LAMP1: variants seen among roughly 807,000 people sequenced by gnomAD.
LAMP1 encodes the protein lysosome associated membrane protein 1.
LAMP1 carries 7 observed loss-of-function variants against 37.5 expected under a neutral mutation model. That is an observed-to-expected ratio of 0.19 (90% CI 0.11 to 0.35). LAMP1 has a LOEUF of 0.35. Ranked by LOEUF, LAMP1 falls within the 10% of genes least tolerant of loss-of-function variation. The pLI is 1.00. For synonymous variants in LAMP1, 236 were observed against 229.1 expected, an observed-to-expected ratio of 1.03 and a Z score of -0.27; for missense variants, 537 against 552.8, an observed-to-expected ratio of 0.97 and a Z score of 0.29.
In LAMP1 at chr13:113,297,602, GC is replaced by G; in HGVS notation, c.61+108del. 9.7e-7 allele frequency: 1 copy of G among 1,030,786 alleles called. No homozygotes were observed. The highest frequency in any genetic ancestry group is 1.2e-6 in the Non-Finnish European group (1 of 821,402). 63.9% of individuals were successfully genotyped at this position (1,030,786 alleles called of 1,614,324 possible). ...GGGTCGTTGTCCCGCGGGTCGCCCC[GC>G]ACCCACTGCTCCTGGTCCCGGCCGG... On this transcript the variant is annotated intron_variant, in intron 1 of 8. Coordinates refer to ENST00000332556, the MANE Select transcript of LAMP1 (RefSeq NM_005561.4). The surrounding 1 kb of genome is among the most constrained non-coding windows in gnomAD (Gnocchi z 4.4).
At chr13:113,309,389 C>T (rs1049944828) in intron 2 of LAMP1, among the ~76,000 whole-genome samples, 16 of 152,182 alleles carry the variant, frequency 1.1e-4, no homozygotes, top group Non-Finnish European at 4.4e-5. Context: ...GTGTGAGCCA[C>T]CATGCCCAGC....
chr13:113,307,691 G>T lies in LAMP1; in HGVS notation c.183+1085G>T, dbSNP rs899649404. On this transcript the variant is annotated intron_variant, in intron 2 of 8. Transcript: ENST00000332556. ...ACTAGTTTGATTAAAATGTTCCTTA[G>T]TGGTTTTGTTGAAATGGCTTTGTGT... Among the ~76,000 whole-genome samples the T allele has an allele frequency of 4.6e-5, 7 of 151,448 alleles. 1 individual carries two copies. The highest frequency in any genetic ancestry group is 7.4e-5 in the Non-Finnish European group (5 of 67,962).
In LAMP1 at chr13:113,321,821, G is replaced by A. The variant is rs1262719990; in HGVS notation, c.1114+94G>A. ...TAGTCGCTTCCGTGTGGGCTGGGGC[G>A]ACGCCCCTGTTCCTCTGCAAGGAGC... On this transcript the variant is annotated intron_variant, in intron 8 of 8. Coordinates refer to ENST00000332556, the MANE Select transcript of LAMP1 (RefSeq NM_005561.4). The surrounding 1 kb of genome is among the most constrained non-coding windows in gnomAD (Gnocchi z 5.6). 1.0e-5 allele frequency: 13 copies of A among 1,264,210 alleles called. No homozygotes were observed. Among genetic ancestry groups the A allele is most frequent in the East Asian group, 7.0e-5 (3 of 42,956 alleles). The allele number at this position is 1,264,210 out of a possible 1,614,324, so 78.3% of individuals were successfully genotyped here. A position where few individuals can be genotyped will look rare whatever the true frequency, so the allele number is the denominator to read the frequency against.
intron 1 of LAMP1, among the ~76,000 whole-genome samples, chr13:113,300,882 A>C (rs2042567391): frequency 6.6e-6 from 1 of 152,200 alleles, no homozygotes; most frequent in Non-Finnish European, 1.5e-5. Context: ...ATTGTCAGTT[A>C]TGCGGTGGAA....
At chr13:113,304,554 A>C (rs1407806261) in intron 1 of LAMP1, among the ~76,000 whole-genome samples, 1 of 152,188 alleles carries the variant, frequency 6.6e-6, no homozygotes, top group African/African-American at 2.4e-5. Context: ...ATCCTGCCTC[A>C]GTGTTGCAGA....
intron 4 of LAMP1, among the ~76,000 whole-genome samples, chr13:113,312,472 C>T (rs933853481): frequency 8.5e-5 from 13 of 152,194 alleles, no homozygotes; most frequent in African/African-American, 2.7e-4. Context: ...CTGTCTGTAG[C>T]TTTGCGGCAG....
At chr13:113,313,847 T>C (rs1456804844) in intron 4 of LAMP1, among the ~76,000 whole-genome samples, 11 of 76,182 alleles carry the variant, frequency 1.4e-4, no homozygotes, top group South Asian at 4.8e-4. Flanking sequence ...CTGGAGGGAG[T>C]CAGTGTGGAG....
intron 4 of LAMP1, among the ~76,000 whole-genome samples, chr13:113,315,007 A>G: frequency 1.0e-5 from 1 of 97,630 alleles, no homozygotes. Flanking sequence ...GTCAGTGTGG[A>G]GATGCCCGTG....
chr13:113,310,063 T>C (rs1362321736), intron 3 of LAMP1, among the ~76,000 whole-genome samples: 2 of 151,936 alleles, frequency 1.3e-5, no homozygotes, highest in African/African-American at 2.4e-5. Context: ...ACACTGTCTC[T>C]ACTAAAAATA....
At chr13:113,317,309 G>A (rs370385743) in intron 4 of LAMP1, among the ~76,000 whole-genome samples, 3 of 152,138 alleles carry the variant, frequency 2.0e-5, no homozygotes, top group Admixed American at 6.6e-5. Context: ...ACTGTCCTCC[G>A]CCCTCAGCAG....
At chr13:113,299,732 C>A (rs2042561026) in intron 1 of LAMP1, among the ~76,000 whole-genome samples, 1 of 151,748 alleles carries the variant, frequency 6.6e-6, no homozygotes, top group African/African-American at 2.4e-5. Context: ...CCATGCCTGG[C>A]TAATTTTTGT....
chr13:113,301,886 G>A (rs1427433932), intron 1 of LAMP1, among the ~76,000 whole-genome samples: 1 of 123,812 alleles, frequency 8.1e-6, no homozygotes, highest in African/African-American at 4.0e-5. Flanking sequence ...TTTTTGAGAC[G>A]GAGTCTCGCT....
In LAMP1 at chr13:113,316,670, C is replaced by T. The variant is rs184120247; in HGVS notation, c.563-2799C>T. Among the ~76,000 whole-genome samples, 73 of 152,200 alleles carry T rather than the reference C, an allele frequency of 4.8e-4. No individual in the cohort carries two copies. In the East Asian group the frequency reaches 0.011, roughly 23 times the overall value. ...TCTCCTGACCTCGTGATCCGCCCGCCTCGGCCTCCCAAAGTGCTGGGATTA... is the reference window on the plus strand; with the variant it reads ...TCTCCTGACCTCGTGATCCGCCCGCTTCGGCCTCCCAAAGTGCTGGGATTA... On this transcript the variant is annotated intron_variant, in intron 4 of 8. Transcript: ENST00000332556.
intron 1 of LAMP1, among the ~76,000 whole-genome samples, chr13:113,301,187 G>A (rs964935532): frequency 6.6e-6 from 1 of 152,104 alleles, no homozygotes; most frequent in Non-Finnish European, 1.5e-5. Context: ...CACACGATCA[G>A]CTTTTTAGAA....
intron 1 of LAMP1, among the ~76,000 whole-genome samples, chr13:113,302,202 T>G (rs1016551867): frequency 1.3e-5 from 2 of 151,720 alleles, no homozygotes; most frequent in African/African-American, 4.8e-5. Flanking sequence ...TTCTTCTTTT[T>G]TTGAGACAGT....
chr13:113,304,366 G>T (rs1287117387), intron 1 of LAMP1, among the ~76,000 whole-genome samples: 1 of 152,216 alleles, frequency 6.6e-6, no homozygotes, highest in African/African-American at 2.4e-5. Context: ...GGCGTCTGCT[G>T]TGTCTGCCTG....
intron 1 of LAMP1, among the ~76,000 whole-genome samples, chr13:113,300,945 T>C (rs1382666168): frequency 6.6e-6 from 1 of 152,206 alleles, no homozygotes. Context: ...AGCCCTGTAA[T>C]TTTGAATTTG....
chr13:113,308,216 A>G (rs941023921), intron 2 of LAMP1, among the ~76,000 whole-genome samples: 3 of 150,126 alleles, frequency 2.0e-5, no homozygotes, highest in Non-Finnish European at 4.4e-5. Flanking sequence ...GGGTTTTGCT[A>G]TGTTGGCCAG....
Position 113,322,362 on chromosome 13 carries a change from G to C in LAMP1, c.1195G>C (p.Val399Leu). The C allele has an allele frequency of 1.2e-6, 2 of 1,600,344 alleles. No homozygotes were observed. The highest frequency in any genetic ancestry group is 1.7e-6 in the Non-Finnish European group (2 of 1,173,072). The change falls in exon 9 of 9, where the codon GTC becomes CTC. Residue 399 changes from valine (V) to leucine (L), a missense_variant. By Grantham distance (32) the Val-to-Leu change is conservative. Transcript: ENST00000332556. The stretch of plus-strand genomic sequence containing the variant: ...TGCCCTGGCGGGGCTGGTCCTCATC[G>C]TCCTCATCGCCTACCTCGTCGGCAG... ...GGALAGLVLIVLIAYLVGRKR... is the reference protein window; with the variant it reads ...GGALAGLVLILLIAYLVGRKR...
Sources: allele counts gnomAD v4.1 joint callset (sites outside exome capture counted in the v4.1 genomes callset), GRCh38; gene constraint gnomAD v4.1.1; non-coding constraint Gnocchi (gnomAD v3.1); transcripts MANE v1.5; gene names NCBI Gene and HGNC (gene_info 2026-07-23, HGNC 2026-07-21).